Variants in SERPINB7 observed in about 807,000 individuals in gnomAD.
The protein encoded by SERPINB7 is serpin B7.
In SERPINB7, 31 loss-of-function variants were observed where a neutral mutation model predicts 37.4. That is an observed-to-expected ratio of 0.83 (90% CI 0.62 to 1.12). The LOEUF is 1.12. Ranked by LOEUF, SERPINB7 falls within the 50% of genes most tolerant of loss-of-function variation. SERPINB7 has a pLI of 0.00. For missense variants in SERPINB7, 521 were observed against 455.3 expected (o/e 1.14, Z -1.31); for synonymous variants, 163 against 166.1 (o/e 0.98, Z 0.14).
At chr18:63,802,499 A>C (rs1292088278) in intron 7 of SERPINB7, among the ~76,000 whole-genome samples, 1 of 152,120 alleles carries the variant, frequency 6.6e-6, no homozygotes, top group South Asian at 2.1e-4. Flanking sequence ...ACCTTGTTTG[A>C]TGTTTATAGC....
At chr18:63,769,384 A>G (rs991387796) in intron 1 of SERPINB7, among the ~76,000 whole-genome samples, 3 of 152,078 alleles carry the variant, frequency 2.0e-5, no homozygotes, top group Non-Finnish European at 4.4e-5. Flanking sequence ...GTCTGAAACC[A>G]CTTGTTAGAG....
rs549408791 is a variant in SERPINB7, at chr18:63,764,685, A to C, written c.-19+11565A>C. Among the ~76,000 whole-genome samples the C allele has an allele frequency of 1.7e-4, 26 of 152,354 alleles. No individual in the cohort carries two copies. In the East Asian group the frequency reaches 3.9e-3, roughly 23 times the overall value. On this transcript the variant is annotated intron_variant, in intron 1 of 7. Coordinates refer to the SERPINB7 transcript ENST00000336429. ...TGGACATATGAATGGAGCAGAGTGT[A>C]ACTCAGAAATAGACTGTTAGAAAGT...
At chr18:63,767,518 T>C (rs115971573) in intron 1 of SERPINB7, among the ~76,000 whole-genome samples, 12 of 152,290 alleles carry the variant, frequency 7.9e-5, no homozygotes, top group African/African-American at 2.9e-4. Flanking sequence ...AAAGACTGTG[T>C]TTCCTCCCTC....
intron 5 of SERPINB7, among the ~76,000 whole-genome samples, chr18:63,797,330 T>A (rs1203518306): frequency 2.0e-5 from 3 of 152,200 alleles, no homozygotes; most frequent in Non-Finnish European, 4.4e-5. Context: ...AAATTTTCTT[T>A]TTATTCATTC....
rs1411056145 is a variant in SERPINB7, at chr18:63,793,292, C to T, written c.336+15C>T. The T allele has an allele frequency of 7.3e-6, 10 of 1,372,770 alleles. No homozygotes were observed. Among genetic ancestry groups the T allele is most frequent in the Non-Finnish European group, 9.3e-6 (9 of 971,684 alleles). The allele number at this position is 1,372,770 out of a possible 1,614,324, so 85.0% of individuals were successfully genotyped here. Reference sequence around the variant, plus strand: ...GCTTTCATAAGGTAAGTGAAACTGCCTTTGTTAGAAGGACCTGAATCTTGT... The same window carrying T: ...GCTTTCATAAGGTAAGTGAAACTGCTTTTGTTAGAAGGACCTGAATCTTGT... On this transcript the variant is annotated intron_variant, in intron 4 of 7. Transcript: ENST00000398019.
chr18:63,780,404 T>C (rs1232768755), intron 1 of SERPINB7, among the ~76,000 whole-genome samples: 6 of 152,220 alleles, frequency 3.9e-5, no homozygotes, highest in Non-Finnish European at 1.5e-5. Context: ...TACTTATCTT[T>C]AGGTCAAAAA....
chr18:63,790,179 A>G (rs1304553408), intron 2 of SERPINB7, among the ~76,000 whole-genome samples: 6 of 152,212 alleles, frequency 3.9e-5, no homozygotes, highest in Admixed American at 6.5e-5. Flanking sequence ...CAGTTTTATT[A>G]TATTATGAAT....
At chr18:63,760,590 T>C (rs903660658) in intron 1 of SERPINB7, among the ~76,000 whole-genome samples, 2 of 152,174 alleles carry the variant, frequency 1.3e-5, no homozygotes, top group African/African-American at 4.8e-5. Context: ...CCCCTCCCAT[T>C]GCAGGCCTGG....
At chr18:63,797,197 A>G (rs1036897317) in intron 5 of SERPINB7, among the ~76,000 whole-genome samples, 1 of 152,202 alleles carries the variant, frequency 6.6e-6, no homozygotes, top group African/African-American at 2.4e-5. Flanking sequence ...TGTACTCTAA[A>G]TATTGTACCT....
At chr18:63,791,886 A>C (rs553292984) in intron 2 of SERPINB7, among the ~76,000 whole-genome samples, 2 of 152,290 alleles carry the variant, frequency 1.3e-5, no homozygotes, top group African/African-American at 2.4e-5. Flanking sequence ...CTGAGATTAC[A>C]GGCCTGAGCC....
chr18:63,803,854 G>A (rs960517999), intron 7 of SERPINB7, among the ~76,000 whole-genome samples: 1 of 152,136 alleles, frequency 6.6e-6, no homozygotes, highest in East Asian at 1.9e-4. Flanking sequence ...TCATGATGAG[G>A]AGATGGCTAG....
intron 1 of SERPINB7, among the ~76,000 whole-genome samples, chr18:63,757,286 A>G (rs1392320581): frequency 6.6e-6 from 1 of 152,194 alleles, no homozygotes; most frequent in Non-Finnish European, 1.5e-5. Flanking sequence ...CCATTATAAC[A>G]TGTATAGCCC....
chr18:63,796,386 G>A lies in SERPINB7; in HGVS notation c.454+3G>A. 1 of 1,479,066 alleles carries A rather than the reference G, an allele frequency of 6.8e-7. No homozygotes were observed. The highest frequency in any genetic ancestry group is 1.4e-5 in the African/African-American group (1 of 72,276). 91.6% of individuals were successfully genotyped at this position (1,479,066 alleles called of 1,614,324 possible). On this transcript the variant is annotated splice_donor_region_variant and intron_variant, in intron 5 of 7. Coordinates refer to ENST00000398019, the MANE Select transcript of SERPINB7 (RefSeq NM_003784.4). ...GTGGGTTGAAAATGAAACACATGGT[G>A]AGTATTGAAATACCCTATTTTTCTA...
intron 4 of SERPINB7, 52 bp from the exon 5 acceptor site, chr18:63,796,214 A>G (rs749081637): frequency 1.3e-5 from 13 of 1,024,266 alleles, no homozygotes; most frequent in Non-Finnish European, 2.0e-5. Flanking sequence ...CATTTCTTAT[A>G]TACTTAGTTG....
chr18:63,765,575 T>C (rs1395260), intron 1 of SERPINB7, among the ~76,000 whole-genome samples: 151,398 of 152,248 alleles, frequency 0.99, 75,282 homozygotes, highest in East Asian at 1. Flanking sequence ...TTCTTTCTGA[T>C]GGCCTATAGC....
rs2049326564 is a variant in SERPINB7 at position 63,783,225 on chromosome 18, AG to A, written c.168+686del. Among the ~76,000 whole-genome samples, 706 of 74,122 alleles carry A rather than the reference AG, an allele frequency of 9.5e-3. 3 individuals are homozygous for A. The highest frequency in any genetic ancestry group is 0.014 in the Admixed American group (90 of 6,280). 48.6% of individuals were successfully genotyped at this position (74,122 alleles called of 152,430 possible). ...GAGAGAGAGAGAGAGAGAGAGAGAG[AG>A]AGAGAGAGAAAGAAAGAAAGAAAGA... On this transcript the variant is annotated intron_variant, in intron 2 of 7. Transcript: ENST00000398019.
chr18:63,789,452 T>C lies in SERPINB7; in HGVS notation c.169-2941T>C, dbSNP rs191051314. Among the ~76,000 whole-genome samples the C allele has an allele frequency of 2.5e-3, 384 of 152,306 alleles. 2 individuals are homozygous for C. Among genetic ancestry groups the C allele is most frequent in the African/African-American group, 9.1e-3 (377 of 41,574 alleles). On this transcript the variant is annotated intron_variant, in intron 2 of 7. Coordinates refer to ENST00000398019, the MANE Select transcript of SERPINB7 (RefSeq NM_003784.4). Reference sequence around the variant, plus strand: ...ATACATGCTTTTATTTCCTTTCTTATAGTAGTCCAAATAAATAATTCCATG... The same window carrying C: ...ATACATGCTTTTATTTCCTTTCTTACAGTAGTCCAAATAAATAATTCCATG...
chr18:63,773,036 A>G (rs1301991200), upstream of SERPINB7, among the ~76,000 whole-genome samples: 1 of 152,178 alleles, frequency 6.6e-6, no homozygotes, highest in Admixed American at 6.6e-5. Context: ...GTAAATATTT[A>G]CATGTAAACA....
chr18:63,792,864 T>C (rs2049443814), intron 3 of SERPINB7, among the ~76,000 whole-genome samples: 1 of 152,244 alleles, frequency 6.6e-6, no homozygotes, highest in South Asian at 2.1e-4. Flanking sequence ...TGCCTTTTTC[T>C]TTGTATATTC....
Sources: allele counts gnomAD v4.1 joint callset (sites outside exome capture counted in the v4.1 genomes callset), GRCh38; gene constraint gnomAD v4.1.1; transcripts MANE v1.5; gene names NCBI Gene and HGNC (gene_info 2026-07-23, HGNC 2026-07-21).